The following CCDC3 variants were observed in gnomAD, a reference collection of about 807,000 sequenced individuals.
CCDC3 encodes coiled-coil domain containing 3.
CCDC3 carries 24 observed loss-of-function variants against 21.4 expected under a neutral mutation model. The observed-to-expected ratio is 1.12, with a 90% confidence interval of 0.81 to 1.58. The LOEUF (loss-of-function observed/expected upper bound fraction) is 1.58. Ranked by LOEUF, CCDC3 falls within the 40% of genes most tolerant of loss-of-function variation. The probability of loss-of-function intolerance (pLI) is 0.00; values close to 1 mark genes in which losing one functional copy is unlikely to be tolerated. For missense variants in CCDC3, 425 were observed against 360.9 expected, an observed-to-expected ratio of 1.18 and a Z score of -1.44; for synonymous variants, 186 against 166.0, an observed-to-expected ratio of 1.12 and a Z score of -0.93.
At chr10:12,989,651 A>T (rs1835651349) in intron 2 of CCDC3, among the ~76,000 whole-genome samples, 2 of 152,020 alleles carry the variant, frequency 1.3e-5, no homozygotes, top group Non-Finnish European at 2.9e-5. Flanking sequence ...CTAACTCCTG[A>T]TCTCAAGTGA....
intron 2 of CCDC3, among the ~76,000 whole-genome samples, chr10:12,911,539 T>G (rs894179966): frequency 6.7e-6 from 1 of 150,168 alleles, no homozygotes; most frequent in Non-Finnish European, 1.5e-5. Context: ...AACACTGTAT[T>G]TACTTTAACA....
At chr10:12,969,453 A>C (rs2131263349) in intron 2 of CCDC3, among the ~76,000 whole-genome samples, 1 of 152,082 alleles carries the variant, frequency 6.6e-6, no homozygotes, top group East Asian at 1.9e-4. Context: ...AATATATAAC[A>C]ACACACACCC....
At chr10:12,946,028 A>T (rs1007836224) in intron 2 of CCDC3, among the ~76,000 whole-genome samples, 3 of 152,208 alleles carry the variant, frequency 2.0e-5, no homozygotes, top group African/African-American at 7.2e-5. Context: ...TCAGTCTGTT[A>T]GTACTATCCT....
At chr10:12,982,214 G>A (rs533664210) in intron 2 of CCDC3, among the ~76,000 whole-genome samples, 1 of 150,684 alleles carries the variant, frequency 6.6e-6, no homozygotes, top group Non-Finnish European at 1.5e-5. Flanking sequence ...AGGACCTTGA[G>A]GACATTAAGC....
chr10:13,093,460 C>A (rs371106678), intron 3 of CCDC3, among the ~76,000 whole-genome samples: 2 of 152,226 alleles, frequency 1.3e-5, no homozygotes, highest in South Asian at 2.1e-4. Flanking sequence ...GGGACACAGC[C>A]AAACCATATC....
chr10:13,043,203 A>C (rs868045466), intron 5 of CCDC3, among the ~76,000 whole-genome samples: 16 of 152,114 alleles, frequency 1.1e-4, no homozygotes, highest in Admixed American at 2.6e-4. Flanking sequence ...TAGTTTTTCA[A>C]GCCTAATCCC....
At chr10:13,049,270 A>C (rs1044624653) in intron 5 of CCDC3, among the ~76,000 whole-genome samples, 1 of 152,206 alleles carries the variant, frequency 6.6e-6, no homozygotes, top group Non-Finnish European at 1.5e-5. Context: ...CAAACAAATC[A>C]ATCAGTACCT....
chr10:12,923,554 C>A (rs1834487304), intron 2 of CCDC3, among the ~76,000 whole-genome samples: 1 of 152,126 alleles, frequency 6.6e-6, no homozygotes. Context: ...GCTCTTGGAA[C>A]CTCCCTTTTT....
chr10:12,939,155 G>A (rs1010638628), intron 2 of CCDC3, among the ~76,000 whole-genome samples: 7 of 151,850 alleles, frequency 4.6e-5, no homozygotes, highest in African/African-American at 9.7e-5. Context: ...TATCACTTCC[G>A]CATTCGCCCT....
At chr10:12,992,385 T>C (rs929050544) in intron 2 of CCDC3, among the ~76,000 whole-genome samples, 32 of 151,702 alleles carry the variant, frequency 2.1e-4, no homozygotes, top group Non-Finnish European at 2.9e-4. Context: ...CAAGACTCCA[T>C]CTCAAAAGAA....
At chr10:13,090,096 T>C (rs944258238) in intron 3 of CCDC3, among the ~76,000 whole-genome samples, 2 of 146,362 alleles carry the variant, frequency 1.4e-5, no homozygotes, top group African/African-American at 2.5e-5. Flanking sequence ...TCTTTCTTTT[T>C]TTTTTTTTTT....
At chr10:12,914,642 C>T (rs955724803) in intron 2 of CCDC3, among the ~76,000 whole-genome samples, 4 of 151,782 alleles carry the variant, frequency 2.6e-5, no homozygotes, top group Non-Finnish European at 5.9e-5. Context: ...CGGGATTTTG[C>T]TATGTTGACC....
At chr10:13,061,359 A>T (rs1836755410) in intron 4 of CCDC3, among the ~76,000 whole-genome samples, 1 of 152,230 alleles carries the variant, frequency 6.6e-6, no homozygotes. Context: ...TGCTGAAAAC[A>T]TATCAGAGAT....
At chr10:13,090,775 G>A (rs1336590151) in intron 3 of CCDC3, among the ~76,000 whole-genome samples, 1 of 152,202 alleles carries the variant, frequency 6.6e-6, no homozygotes, top group African/African-American at 2.4e-5. Flanking sequence ...AGAAGTAAAA[G>A]GACAGATGCA....
intron 2 of CCDC3, among the ~76,000 whole-genome samples, chr10:12,912,824 C>A (rs111366971): frequency 6.6e-6 from 1 of 152,092 alleles, no homozygotes; most frequent in Non-Finnish European, 1.5e-5. Flanking sequence ...ATTCTCTGCA[C>A]GTAGATACTC....
intron 4 of CCDC3, among the ~76,000 whole-genome samples, chr10:13,072,240 C>T (rs1398316277): frequency 6.6e-6 from 1 of 152,112 alleles, no homozygotes; most frequent in African/African-American, 2.4e-5. Context: ...GAGCCTCGGA[C>T]GATGGCCTTT....
At chr10:13,046,223 TAGTG>T (rs1239334247) in intron 5 of CCDC3, among the ~76,000 whole-genome samples, 1 of 150,628 alleles carries the variant, frequency 6.6e-6, no homozygotes, top group Non-Finnish European at 1.5e-5. Flanking sequence ...TTGGGCAACA[TAGTG>T]AGACCTCATC....
chr10:12,940,584 G>A (rs909199351), intron 2 of CCDC3, among the ~76,000 whole-genome samples: 12 of 152,168 alleles, frequency 7.9e-5, no homozygotes, highest in African/African-American at 2.9e-4. Context: ...TTCCATGACT[G>A]TCCAATCATA....
At chr10:12,979,439 C>T (rs1012564170) in intron 2 of CCDC3, among the ~76,000 whole-genome samples, 1 of 151,946 alleles carries the variant, frequency 6.6e-6, no homozygotes, top group African/African-American at 2.4e-5. Context: ...ATTGCCCAGG[C>T]TGGAGTGCAG....
Sources: gnomAD v4.1 joint callset for allele counts (sites outside exome capture counted in the v4.1 genomes callset) on GRCh38, gnomAD v4.1.1 for gene constraint, MANE v1.5 for transcripts, NCBI Gene and HGNC (gene_info 2026-07-23, HGNC 2026-07-21) for gene names.